COLEC12: variants seen among roughly 807,000 people sequenced by gnomAD.
COLEC12 encodes the protein collectin-12.
Under a neutral mutation model 71.1 loss-of-function variants are expected in COLEC12, and 33 were observed. That is an observed-to-expected ratio of 0.46 (90% CI 0.35 to 0.62). The LOEUF is 0.62. Among genes scored for constraint, COLEC12 ranks in the 20% least tolerant of loss-of-function variants. The pLI is 0.00. For missense variants in COLEC12, 765 were observed against 916.1 expected, an observed-to-expected ratio of 0.84 and a Z score of 2.13; for synonymous variants, 350 against 353.0, an observed-to-expected ratio of 0.99 and a Z score of 0.10.
intron 2 of COLEC12, among the ~76,000 whole-genome samples, chr18:379,068 G>A (rs1915175545): frequency 6.6e-6 from 1 of 152,138 alleles, no homozygotes; most frequent in East Asian, 1.9e-4. Flanking sequence ...GACTAAGGCT[G>A]GAGGGATGGT....
intron 2 of COLEC12, among the ~76,000 whole-genome samples, chr18:403,114 A>G (rs1045023321): frequency 2.0e-5 from 3 of 152,340 alleles, no homozygotes; most frequent in Admixed American, 1.3e-4. Context: ...GTGGGACAGG[A>G]TCATGATACA....
At chr18:371,899 A>G (rs796752577) in intron 2 of COLEC12, among the ~76,000 whole-genome samples, 1 of 152,342 alleles carries the variant, frequency 6.6e-6, no homozygotes, top group African/African-American at 2.4e-5. Context: ...CACAGCAGTC[A>G]TCGGCACAGC....
At chr18:452,157 C>T (rs146324375) in intron 2 of COLEC12, among the ~76,000 whole-genome samples, 1 of 152,296 alleles carries the variant, frequency 6.6e-6, no homozygotes, top group African/African-American at 2.4e-5. Flanking sequence ...ATTTCATTGG[C>T]ATCAATGATC....
At chr18:341,182 T>G (rs1353374835) in intron 5 of COLEC12, among the ~76,000 whole-genome samples, 1 of 152,206 alleles carries the variant, frequency 6.6e-6, no homozygotes, top group Admixed American at 6.5e-5. Flanking sequence ...CTCTGTCATT[T>G]CCACCTCCCC....
At chr18:345,759 C>G (rs1266391012) in intron 5 of COLEC12, among the ~76,000 whole-genome samples, 1 of 152,198 alleles carries the variant, frequency 6.6e-6, no homozygotes, top group Admixed American at 6.5e-5. Flanking sequence ...TAATGGAGTC[C>G]CTTTAAGTAC....
At chr18:485,566 G>A (rs953951842) in intron 1 of COLEC12, among the ~76,000 whole-genome samples, 2 of 152,206 alleles carry the variant, frequency 1.3e-5, no homozygotes, top group Admixed American at 6.5e-5. Context: ...TTTGAAATGT[G>A]ATTTTTATTT....
intron 2 of COLEC12, among the ~76,000 whole-genome samples, chr18:425,021 C>T (rs1392625571): frequency 6.8e-6 from 1 of 146,552 alleles, no homozygotes; most frequent in Admixed American, 6.8e-5. Context: ...GTTTCCTGTA[C>T]TTGGTTTTTT....
At chr18:484,988 G>A (rs933484715) in intron 1 of COLEC12, among the ~76,000 whole-genome samples, 6 of 152,184 alleles carry the variant, frequency 3.9e-5, no homozygotes, top group African/African-American at 7.2e-5. Flanking sequence ...CCATAGCCAC[G>A]GGAAAGAGAA....
At chr18:450,903 G>GGA (rs879284782) in intron 2 of COLEC12, among the ~76,000 whole-genome samples, 6 of 144,880 alleles carry the variant, frequency 4.1e-5, no homozygotes, top group Non-Finnish European at 6.1e-5. Context: ...ATTGGGAACT[G>GGA]GAGTAAAGGC....
intron 1 of COLEC12, among the ~76,000 whole-genome samples, chr18:482,403 C>T (rs1418535428): frequency 6.6e-6 from 1 of 151,838 alleles, no homozygotes; most frequent in Non-Finnish European, 1.5e-5. Flanking sequence ...CATGAGCCAC[C>T]GTGCCCGGCC....
At position 480,652 on chromosome 18, in the gene COLEC12, G is replaced by C; in HGVS notation, c.58+55C>G. The C allele has an allele frequency of 6.7e-7, 1 of 1,495,986 alleles. No homozygotes were observed. Among genetic ancestry groups the C allele is most frequent in the Admixed American group, 1.7e-5 (1 of 59,896 alleles). The allele number at this position is 1,495,986 out of a possible 1,614,324, so 92.7% of individuals were successfully genotyped here. A position where few individuals can be genotyped will look rare whatever the true frequency, so the allele number is the denominator to read the frequency against. On this transcript the variant is annotated intron_variant, in intron 2 of 9. Coordinates refer to ENST00000400256, the MANE Select transcript of COLEC12 (RefSeq NM_130386.3). This position sits in a 1 kb window ranked among gnomAD's most constrained non-coding sequence, Gnocchi z 4.1. ...GCCTGCCAATGGTCTCTGAGGGTTC[G>C]TGGCTGCATCCCAGGTTGACCACTG...
intron 2 of COLEC12, among the ~76,000 whole-genome samples, chr18:403,499 T>C (rs970843758): frequency 1.3e-5 from 2 of 152,224 alleles, no homozygotes; most frequent in African/African-American, 4.8e-5. Context: ...ACACTAACAC[T>C]ACACATTGTT....
intron 2 of COLEC12, among the ~76,000 whole-genome samples, chr18:474,773 G>A (rs905705007): frequency 2.6e-5 from 4 of 152,044 alleles, no homozygotes; most frequent in Admixed American, 1.3e-4. Flanking sequence ...TTTTGACACC[G>A]AATTCTTATT....
At chr18:439,141 A>G (rs552666301) in intron 2 of COLEC12, among the ~76,000 whole-genome samples, 1 of 152,316 alleles carries the variant, frequency 6.6e-6, no homozygotes, top group South Asian at 2.1e-4. Context: ...TGAGAAATCA[A>G]CTTCATCCCA....
At chr18:447,668 A>ATGAAT (rs1916679195) in intron 2 of COLEC12, among the ~76,000 whole-genome samples, 3 of 152,178 alleles carry the variant, frequency 2.0e-5, no homozygotes, top group African/African-American at 7.2e-5. Flanking sequence ...CTTCTGTAAA[A>ATGAAT]TTCACCTCTC....
intron 9 of COLEC12, among the ~76,000 whole-genome samples, chr18:321,438 A>G (rs1390067316): frequency 1.3e-5 from 2 of 152,244 alleles, no homozygotes; most frequent in Admixed American, 1.3e-4. Context: ...AGTACTTCCT[A>G]CATGTGAGGC....
intron 2 of COLEC12, among the ~76,000 whole-genome samples, chr18:437,765 A>C (rs1403142185): frequency 1.3e-5 from 2 of 152,216 alleles, no homozygotes; most frequent in Non-Finnish European, 2.9e-5. Context: ...AGGTTGCGTT[A>C]AGTGAGCCTC....
At chr18:438,533 C>T (rs908265052) in intron 2 of COLEC12, among the ~76,000 whole-genome samples, 2 of 152,156 alleles carry the variant, frequency 1.3e-5, no homozygotes, top group African/African-American at 4.8e-5. Flanking sequence ...CTCATTCCAG[C>T]TGGGTGCTGT....
At position 500,413 on chromosome 18, in the gene COLEC12, G is replaced by A; in HGVS notation, c.7+95C>T. On this transcript the variant is annotated intron_variant, in intron 1 of 9. Transcript: ENST00000400256. This position sits in a 1 kb window ranked among gnomAD's most constrained non-coding sequence, Gnocchi z 5.3. ...CCGACTCCCCGGGCCCGCAGCCCAA[G>A]GGAAGGTTCGCGCGGGAGGCACCTC... 1 of 903,264 alleles carries A rather than the reference G, an allele frequency of 1.1e-6. No individual in the cohort carries two copies. The highest frequency in any genetic ancestry group is 5.3e-5 in the South Asian group (1 of 18,866). The allele number at this position is 903,264 out of a possible 1,614,324, so 56.0% of individuals were successfully genotyped here. A position where few individuals can be genotyped will look rare whatever the true frequency, so the allele number is the denominator to read the frequency against.
Sources: gnomAD v4.1 joint callset for allele counts (sites outside exome capture counted in the v4.1 genomes callset) on GRCh38, gnomAD v4.1.1 for gene constraint, Gnocchi (gnomAD v3.1) non-coding constraint, MANE v1.5 for transcripts, NCBI Gene and HGNC (gene_info 2026-07-23, HGNC 2026-07-21) for gene names.